Variants in CNKSR1 observed in about 807,000 individuals in gnomAD.
The protein encoded by CNKSR1 is connector enhancer of kinase suppressor of Ras 1.
Under a neutral mutation model 95.6 loss-of-function variants are expected in CNKSR1, and 88 were observed. The ratio of observed to expected loss-of-function variants is 0.92; its 90% CI spans 0.78 to 1.10. CNKSR1 has a LOEUF of 1.10. Ranked by LOEUF, CNKSR1 falls within the 50% of genes least tolerant of loss-of-function variation. CNKSR1 has a pLI of 0.00. For missense variants in CNKSR1, 836 were observed against 912.0 expected (o/e 0.92, Z 1.07); for synonymous variants, 355 against 369.7 (o/e 0.96, Z 0.46).
At chr1:26,182,434 TA>T (rs776223709) in intron 5 of CNKSR1, 32 bp downstream of exon 5, 82 of 1,612,588 alleles carry the variant, frequency 5.1e-5, no homozygotes, top group Non-Finnish European at 6.7e-5. Flanking sequence ...AGAGTGGGGG[TA>T]GGGGCGATCG....
Position 26,188,590 on chromosome 1 carries a change from G to C in CNKSR1, c.1591-8G>C. On this transcript the variant is annotated splice_region_variant and splice_polypyrimidine_tract_variant and intron_variant, in intron 18 of 20. Coordinates refer to ENST00000361530, the MANE Select transcript of CNKSR1 (RefSeq NM_006314.3). Reference sequence around the variant, plus strand: ...AGAAACCCTCTGTGCTTTCCACCCTGCCTGCAGCCCAGCCCTGCTCAAGCT... The same window carrying C: ...AGAAACCCTCTGTGCTTTCCACCCTCCCTGCAGCCCAGCCCTGCTCAAGCT... The C allele has an allele frequency of 6.2e-7, 1 of 1,613,466 alleles. No individual in the cohort carries two copies. The highest frequency in any genetic ancestry group is 2.2e-5 in the East Asian group (1 of 44,864).
At chr1:26,184,174 G>T in intron 10 of CNKSR1, 33 bp downstream of exon 10, 6 of 1,611,900 alleles carry the variant, frequency 3.7e-6, no homozygotes, top group Non-Finnish European at 5.1e-6. Context: ...GTCTTGGTGG[G>T]GAGACCGTGG....
At chr1:26,184,186 C>T in intron 10 of CNKSR1, 28 bp from the exon 11 acceptor site, 1 of 1,611,642 alleles carries the variant, frequency 6.2e-7, no homozygotes, top group Non-Finnish European at 8.5e-7. Context: ...AGACCGTGGG[C>T]TCATCTCATC....
Position 26,188,469 on chromosome 1 carries a change from AC to A in CNKSR1, c.1559del (p.Pro520ArgfsTer43), listed in dbSNP as rs779281620. The A allele has an allele frequency of 2.3e-5, 37 of 1,605,298 alleles. No homozygotes were observed. The highest frequency in any genetic ancestry group is 2.7e-5 in the Non-Finnish European group (32 of 1,176,158). On this transcript the variant is annotated frameshift_variant, in exon 18 of 21. Coordinates refer to ENST00000361530, the MANE Select transcript of CNKSR1 (RefSeq NM_006314.3). LOFTEE classifies it high-confidence loss of function. ...TGCTACAGTGAGACCGAAGCAGAGG[AC>A]CCGGACGATGAGGCTGGGTCCCACT... ...EDCYSETEAE[D>X]PDDEAGSHSA...
Position 26,180,810 on chromosome 1 carries a change from G to A in CNKSR1, c.306G>A (p.Gly102=), listed in dbSNP as rs958080651. Residue 102 remains glycine (G), a synonymous_variant, in exon 3 of 21, where the codon GGG becomes GGA. Transcript: ENST00000361530. ...DFQSIVQGCL[G]DCAKTPIDVL... is the part of the protein sequence containing the mutation. ...AGAGCATAGTCCAAGGCTGCCTGGGGGACTGTGCCAAGACCCCTATTGATG... is the reference window on the plus strand; with the variant it reads ...AGAGCATAGTCCAAGGCTGCCTGGGAGACTGTGCCAAGACCCCTATTGATG... The A allele has an allele frequency of 6.2e-7, 1 of 1,614,212 alleles. No homozygotes were observed. The highest frequency in any genetic ancestry group is 1.3e-5 in the African/African-American group (1 of 75,036).
At chr1:26,184,949 G>A (rs2088720328) in intron 13 of CNKSR1, 65 bp from the exon 14 acceptor site, 1 of 1,477,496 alleles carries the variant, frequency 6.8e-7, no homozygotes, top group Non-Finnish European at 9.1e-7. Context: ...TGGAAGGCAG[G>A]GAGTAGGTTT....
intron 20 of CNKSR1, 118 bp downstream of exon 20, chr1:26,189,071 C>T: frequency 7.4e-7 from 1 of 1,344,654 alleles, no homozygotes. Context: ...AGCTCCGGAC[C>T]CTGGGCTTAG....
rs1409404443 is a variant in CNKSR1 at position 26,183,387 on chromosome 1, G to A, written c.726G>A (p.Glu242=). 1.2e-6 allele frequency: 2 copies of A among 1,614,074 alleles called. No individual in the cohort carries two copies. The highest frequency in any genetic ancestry group is 2.2e-5 in the East Asian group (1 of 44,880). Reference sequence around the variant, plus strand: ...GACTGCAGATCCAGCCTGGAGACGAGGTTGTCCAGATCAACGAGCAGGTGG... The same window carrying A: ...GACTGCAGATCCAGCCTGGAGACGAAGTTGTCCAGATCAACGAGCAGGTGG... ...DSRLQIQPGD[E]VVQINEQVVV... is the part of the protein sequence containing the mutation. Residue 242 remains glutamate, a synonymous_variant, in exon 8 of 21, where the codon GAG becomes GAA. Coordinates refer to ENST00000361530, the MANE Select transcript of CNKSR1 (RefSeq NM_006314.3).
intron 14 of CNKSR1, chr1:26,186,777 G>A (rs116768434): frequency 0.01 from 2,778 of 269,614 alleles, 50 homozygotes; most frequent in African/African-American, 0.055. Context: ...CCCGACCTAA[G>A]TTTTTAATTT....
intron 16 of CNKSR1, 105 bp downstream of exon 16, chr1:26,187,587 G>A: frequency 9.5e-7 from 1 of 1,047,626 alleles, no homozygotes; most frequent in Non-Finnish European, 1.5e-6. Context: ...AGCTCTCTGA[G>A]AGTGGTTGGT....
In CNKSR1 at chr1:26,183,253, C is replaced by G; in HGVS notation, c.681C>G (p.Thr227=). The G allele has an allele frequency of 6.2e-7, 1 of 1,614,110 alleles. No homozygotes were observed. The highest frequency in any genetic ancestry group is 8.5e-7 in the Non-Finnish European group (1 of 1,180,006). ...AGCACTTTGTGTCCCAAGTGGACAC[C>G]CAGGTGAGAGCCCCACACCCTTCTC... ...NCQHFVSQVD[T]QVPTDSRLQI... Residue 227 remains threonine (T), a synonymous_variant, in exon 7 of 21, where the codon ACC becomes ACG. Transcript: ENST00000361530.
intron 16 of CNKSR1, among the ~76,000 whole-genome samples, 196 bp from the exon 17 acceptor site, chr1:26,188,038 G>GCTCGC (rs2088786652): frequency 6.6e-6 from 1 of 152,004 alleles, no homozygotes; most frequent in African/African-American, 2.4e-5. Flanking sequence ...TGGGGTGACA[G>GCTCGC]ACGCGAGCCA....
intron 14 of CNKSR1, chr1:26,186,914 C>CTTTT: frequency 1.0e-5 from 4 of 396,920 alleles, no homozygotes; most frequent in Non-Finnish European, 1.4e-5. Flanking sequence ...TCAGGCTCCT[C>CTTTT]TTTTTTTTTT....
Sources: gnomAD v4.1 joint callset for allele counts (sites outside exome capture counted in the v4.1 genomes callset) on GRCh38, gnomAD v4.1.1 for gene constraint, MANE v1.5 for transcripts, NCBI Gene and HGNC (gene_info 2026-07-23, HGNC 2026-07-21) for gene names.